XPO4: variants seen among roughly 807,000 people sequenced by gnomAD.
The protein encoded by XPO4 is exportin-4.
Under a neutral mutation model 143.0 loss-of-function variants are expected in XPO4, and 39 were observed. That is an observed-to-expected ratio of 0.27 (90% CI 0.21 to 0.36). The LOEUF (loss-of-function observed/expected upper bound fraction) is 0.36, where lower values mean the gene tolerates loss of function less well. Among genes scored for constraint, XPO4 ranks in the 10% least tolerant of loss-of-function variants. XPO4 has a pLI of 1.00. For synonymous variants in XPO4, 439 were observed against 474.0 expected, an observed-to-expected ratio of 0.93 and a Z score of 0.96; for missense variants, 907 against 1,348.0, an observed-to-expected ratio of 0.67 and a Z score of 5.12.
intron 22 of XPO4, 68 bp from the exon 23 acceptor site, chr13:20,783,987 A>T: frequency 6.6e-7 from 1 of 1,510,006 alleles, no homozygotes; most frequent in Admixed American, 1.7e-5. Flanking sequence ...CTTATCAGTT[A>T]CTGGACTGTG....
intron 1 of XPO4, among the ~76,000 whole-genome samples, chr13:20,892,899 A>T (rs544820269): frequency 1.0e-3 from 155 of 151,872 alleles, no homozygotes; most frequent in African/African-American, 3.0e-3. Context: ...TAAAAAAAAA[A>T]AAATAAAAGA....
intron 9 of XPO4, among the ~76,000 whole-genome samples, chr13:20,817,961 A>G (rs35070366): frequency 0.041 from 5,615 of 136,122 alleles, 223 homozygotes; most frequent in African/African-American, 0.1. Context: ...ATGCCTGGCT[A>G]ATTTTTGTAT....
intron 6 of XPO4, among the ~76,000 whole-genome samples, chr13:20,842,659 G>A (rs554828183): frequency 2.0e-5 from 3 of 152,096 alleles, no homozygotes; most frequent in Non-Finnish European, 2.9e-5. Flanking sequence ...CATCCACCAC[G>A]TTTCTATGTA....
At chr13:20,848,598 A>G (rs2060051171) in intron 4 of XPO4, 1 of 985,358 alleles carries the variant, frequency 1.0e-6, no homozygotes, top group South Asian at 4.7e-5. Flanking sequence ...GATGATCTAC[A>G]TTCTGCAAAA....
chr13:20,812,231 C>A (rs2137906953), intron 9 of XPO4, among the ~76,000 whole-genome samples: 1 of 152,172 alleles, frequency 6.6e-6, no homozygotes, highest in East Asian at 1.9e-4. Flanking sequence ...ATTAGCTGGG[C>A]ATGGTGGCAG....
chr13:20,884,739 A>C (rs930220864), intron 1 of XPO4, among the ~76,000 whole-genome samples: 12 of 151,588 alleles, frequency 7.9e-5, no homozygotes, highest in Non-Finnish European at 1.6e-4. Flanking sequence ...AAATGATTCT[A>C]CCTGGGAGGT....
chr13:20,818,826 TG>T (rs1419270804), intron 9 of XPO4, among the ~76,000 whole-genome samples: 2 of 151,594 alleles, frequency 1.3e-5, no homozygotes, highest in Non-Finnish European at 2.9e-5. Flanking sequence ...CCCTCCCCTT[TG>T]TTTTTTTGTT....
At chr13:20,810,044 CAAAT>C (rs2059557844) in intron 9 of XPO4, 77 bp from the exon 10 acceptor site, 3 of 1,215,508 alleles carry the variant, frequency 2.5e-6, no homozygotes, top group South Asian at 2.3e-5. Flanking sequence ...TAAATACATA[CAAAT>C]AGTTTAAATT....
chr13:20,888,405 C>G (rs539266388), intron 1 of XPO4, among the ~76,000 whole-genome samples: 1 of 152,168 alleles, frequency 6.6e-6, no homozygotes, highest in African/African-American at 2.4e-5. Context: ...GGATGGAGTG[C>G]AGTGTTGTAA....
chr13:20,879,320 GAGA>G, intron 1 of XPO4: 3 of 985,254 alleles, frequency 3.0e-6, no homozygotes, highest in Non-Finnish European at 3.6e-6. Flanking sequence ...AAAAAGAAGG[GAGA>G]AGGGAGGGAA....
At chr13:20,879,833 A>G (rs1481383984) in intron 1 of XPO4, among the ~76,000 whole-genome samples, 1 of 152,228 alleles carries the variant, frequency 6.6e-6, no homozygotes, top group East Asian at 1.9e-4. Flanking sequence ...TAGAAGATTA[A>G]TATCTGTAAT....
chr13:20,836,759 A>G (rs959270177), intron 6 of XPO4, among the ~76,000 whole-genome samples: 1 of 152,236 alleles, frequency 6.6e-6, no homozygotes, highest in African/African-American at 2.4e-5. Context: ...AACCACGACC[A>G]TGATCTAATC....
chr13:20,799,997 T>C (rs1053081186), intron 15 of XPO4, among the ~76,000 whole-genome samples, 159 bp downstream of exon 15: 4 of 152,220 alleles, frequency 2.6e-5, no homozygotes, highest in African/African-American at 9.6e-5. Context: ...AATAGTACTG[T>C]GACATAGTTT....
intron 4 of XPO4, among the ~76,000 whole-genome samples, chr13:20,846,465 T>G (rs768794083): frequency 6.6e-6 from 1 of 152,178 alleles, no homozygotes; most frequent in Non-Finnish European, 1.5e-5. Context: ...GCTTTTTAGT[T>G]ACGGCAATGA....
chr13:20,784,071 G>T, intron 22 of XPO4, 152 bp from the exon 23 acceptor site: 1 of 706,642 alleles, frequency 1.4e-6, no homozygotes, highest in Non-Finnish European at 2.4e-6. Context: ...ACTACTGTTT[G>T]AAAACCTTTT....
At chr13:20,857,012 T>C (rs976885794) in intron 3 of XPO4, 1 of 417,634 alleles carries the variant, frequency 2.4e-6, no homozygotes, top group African/African-American at 2.2e-5. Context: ...TTATTAGATA[T>C]TTATACAGAT....
rs372206883 is a variant in XPO4 at position 20,795,952 on chromosome 13, ATCT to A, written c.2797+121_2797+123del. The A allele has an allele frequency of 1.1e-4, 122 of 1,087,864 alleles. No homozygotes were observed. In the African/African-American group the frequency reaches 1.8e-3, roughly 16 times the overall value. 67.4% of individuals were successfully genotyped at this position (1,087,864 alleles called of 1,614,324 possible). A position where few individuals can be genotyped will look rare whatever the true frequency, so the allele number is the denominator to read the frequency against. On this transcript the variant is annotated intron_variant, in intron 18 of 22. Coordinates refer to ENST00000255305, the MANE Select transcript of XPO4 (RefSeq NM_022459.5). ...CCTCACCCTCACTTTGACCACAAAG[ATCT>A]TCTTTCATTTATTCCATAAATTGAA...
In XPO4 at chr13:20,837,942, G is replaced by A. The variant is rs538062702; in HGVS notation, c.727+4953C>T. ...GTACAATTCAAGATGAGATTTGGGT[G>A]GGGACACAGAGTCAAACCACATCAT... is the stretch of plus-strand genomic sequence containing the variant. On this transcript the variant is annotated intron_variant, in intron 6 of 22. Coordinates refer to ENST00000255305, the MANE Select transcript of XPO4 (RefSeq NM_022459.5). Among the ~76,000 whole-genome samples, 62 of 152,218 alleles carry A rather than the reference G, an allele frequency of 4.1e-4. 1 individual carries two copies. In the South Asian group the frequency reaches 0.012, roughly 30 times the overall value.
At chr13:20,856,364 T>C in intron 3 of XPO4, 1 of 985,314 alleles carries the variant, frequency 1.0e-6, no homozygotes, top group Non-Finnish European at 1.2e-6. Context: ...GTTCTGTTCC[T>C]CCATGTGATG....
Sources: allele counts gnomAD v4.1 joint callset (sites outside exome capture counted in the v4.1 genomes callset), GRCh38; gene constraint gnomAD v4.1.1; transcripts MANE v1.5; gene names NCBI Gene and HGNC (gene_info 2026-07-23, HGNC 2026-07-21).